Variants in MEF2A observed in about 807,000 individuals in gnomAD.
MEF2A encodes the protein myocyte-specific enhancer factor 2A.
A neutral mutation model predicts 55.8 loss-of-function variants in MEF2A; 28 were observed. The observed-to-expected ratio is 0.50, with a 90% CI of 0.37 to 0.69. MEF2A has a LOEUF of 0.69. MEF2A is among the 30% of genes least tolerant of loss of function. The pLI is 0.00. For synonymous variants in MEF2A, 239 were observed against 227.1 expected (o/e 1.05, Z -0.47); for missense variants, 528 against 626.2 (o/e 0.84, Z 1.67).
intron 2 of MEF2A, among the ~76,000 whole-genome samples, chr15:99,624,461 C>T (rs1309336947): frequency 2.6e-5 from 4 of 152,174 alleles, no homozygotes; most frequent in African/African-American, 9.6e-5. Flanking sequence ...ATGGTCTTAG[C>T]ATCCTTTTTG....
Position 99,645,687 on chromosome 15 carries a change from G to A in MEF2A, c.181G>A (p.Asp61Asn), listed in dbSNP as rs1193702038. 7 of 1,613,518 alleles carry A rather than the reference G, an allele frequency of 4.3e-6. No homozygotes were observed. The highest frequency in any genetic ancestry group is 1.3e-5 in the African/African-American group (1 of 75,016). ...SNKLFQYAST[D>N]MDKVLLKYTE... ...CAAACTGTTTCAATATGCTAGCACT[G>A]ATATGGACAAAGTTCTTCTCAAGTA... Residue 61 changes from aspartate to asparagine, a missense_variant, in exon 4 of 12, where the codon GAT becomes AAT. Physicochemically the swap from Asp to Asn is conservative, Grantham distance 23. Around this residue, in one of 2 missense-constraint regions of MEF2A, gnomAD observed 78 missense variants for 150.9 expected, o/e 0.52. Transcript: ENST00000557942.
At chr15:99,681,777 T>C (rs2053297833) in intron 7 of MEF2A, 1 of 152,202 alleles carries the variant, frequency 6.6e-6, no homozygotes, top group Non-Finnish European at 1.5e-5. Context: ...CTTTATTATT[T>C]TATTTTATTT....
chr15:99,694,348 C>T (rs1325064296), intron 8 of MEF2A, among the ~76,000 whole-genome samples: 1 of 152,168 alleles, frequency 6.6e-6, no homozygotes, highest in Admixed American at 6.5e-5. Context: ...TTTATTATCC[C>T]TTATCTGATA....
At chr15:99,629,452 TA>T (rs1413732455) in intron 2 of MEF2A, among the ~76,000 whole-genome samples, 1 of 152,206 alleles carries the variant, frequency 6.6e-6, no homozygotes, top group Non-Finnish European at 1.5e-5. Flanking sequence ...TCGTACAATC[TA>T]AACTAATCCC....
intron 4 of MEF2A, among the ~76,000 whole-genome samples, chr15:99,652,177 G>A (rs1183613391): frequency 6.6e-6 from 1 of 152,168 alleles, no homozygotes; most frequent in Admixed American, 6.5e-5. Flanking sequence ...AACCTTGTTG[G>A]CACCAGGGAT....
chr15:99,598,420 C>T lies in MEF2A; in HGVS notation c.-224-10C>T, dbSNP rs1971950483. ...ACAATAATGCATCTCAAATTTTTTT[C>T]TTTTTTAAGGAATTGCATTTTGTGA... On this transcript the variant is annotated splice_polypyrimidine_tract_variant and intron_variant, in intron 1 of 11. Coordinates refer to ENST00000557942, the MANE Select transcript of MEF2A (RefSeq NM_001319206.4). 6.6e-6 allele frequency: 1 copy of T among 151,854 alleles called. No individual in the cohort carries two copies. The highest frequency in any genetic ancestry group is 6.6e-5 in the Admixed American group (1 of 15,252). The allele number at this position is 151,854 out of a possible 1,614,324, so 9.4% of individuals were successfully genotyped here.
At chr15:99,613,440 T>A (rs1372281695) in intron 2 of MEF2A, among the ~76,000 whole-genome samples, 7 of 152,196 alleles carry the variant, frequency 4.6e-5, no homozygotes, top group Non-Finnish European at 1.0e-4. Context: ...CAATACACAC[T>A]TTAACAGTCC....
intron 3 of MEF2A, 40 bp from the exon 4 acceptor site, chr15:99,645,521 C>T (rs1567312094): frequency 1.4e-6 from 2 of 1,448,304 alleles, no homozygotes; most frequent in Non-Finnish European, 1.9e-6. Context: ...TCAAGTACTA[C>T]TAATGCTTTT....
chr15:99,690,370 G>C lies in MEF2A; in HGVS notation c.800G>C (p.Arg267Thr). ...GGTGGTAATCTTGGAATGAACAGTA[G>C]GAAACCAGATCTTCGAGTTGTCATC... Reference protein sequence around the residue: ...PGGGNLGMNSRKPDLRVVIPP... With the variant: ...PGGGNLGMNSTKPDLRVVIPP... The change falls in exon 8 of 12, where the codon AGG becomes ACG. Residue 267 changes from arginine to threonine, a missense_variant. This residue lies in a region of MEF2A where 450 missense variants were observed against 475.3 expected (regional missense o/e 0.95). Coordinates refer to ENST00000557942, the MANE Select transcript of MEF2A (RefSeq NM_001319206.4). 1 of 1,611,850 alleles carries C rather than the reference G, an allele frequency of 6.2e-7. No individual in the cohort carries two copies. Among genetic ancestry groups the C allele is most frequent in the Non-Finnish European group, 8.5e-7 (1 of 1,178,774 alleles).
chr15:99,703,133 G>A (rs2057611356), intron 8 of MEF2A, among the ~76,000 whole-genome samples: 2 of 152,176 alleles, frequency 1.3e-5, no homozygotes, highest in Non-Finnish European at 2.9e-5. Context: ...GGGTAGGAGG[G>A]TGTCTTTGAA....
intron 1 of MEF2A, among the ~76,000 whole-genome samples, chr15:99,598,036 T>A (rs1380559284): frequency 6.6e-6 from 1 of 152,216 alleles, no homozygotes; most frequent in Non-Finnish European, 1.5e-5. Flanking sequence ...GTGAACATTT[T>A]AAACTATTTA....
At chr15:99,588,062 G>C (rs1288282041) in intron 1 of MEF2A, among the ~76,000 whole-genome samples, 4 of 152,108 alleles carry the variant, frequency 2.6e-5, no homozygotes, top group African/African-American at 9.7e-5. Flanking sequence ...TAGGTTTTCT[G>C]TGGATGCTCT....
intron 1 of MEF2A, among the ~76,000 whole-genome samples, chr15:99,568,328 A>AT (rs554800298): frequency 3.6e-4 from 54 of 151,558 alleles, no homozygotes; most frequent in East Asian, 2.9e-3. Flanking sequence ...TGTGACAAGG[A>AT]TTTTTTTTTG....
chr15:99,622,363 C>G (rs906449418), intron 2 of MEF2A, among the ~76,000 whole-genome samples: 2 of 152,134 alleles, frequency 1.3e-5, no homozygotes, highest in African/African-American at 4.8e-5. Flanking sequence ...CATCTGTTTT[C>G]TAAAGGTAGA....
At chr15:99,592,299 T>TTATTTA (rs1457872450) in intron 1 of MEF2A, among the ~76,000 whole-genome samples, 1 of 152,156 alleles carries the variant, frequency 6.6e-6, no homozygotes, top group Non-Finnish European at 1.5e-5. Context: ...TTTTTTTTTA[T>TTATTTA]TATACTGCTT....
upstream of MEF2A, chr15:99,565,919 G>GCGC (rs1412148274): frequency 6.6e-6 from 1 of 152,254 alleles, no homozygotes; most frequent in Non-Finnish European, 1.5e-5. Context: ...TAGTGCGCAC[G>GCGC]CGCAGCACAG....
In MEF2A at chr15:99,713,737, AGTTTT is replaced by A. The variant is rs2058885694; in HGVS notation, c.*967_*971del. 1 of 152,124 alleles carries A rather than the reference AGTTTT, an allele frequency of 6.6e-6. No individual in the cohort carries two copies. The highest frequency in any genetic ancestry group is 6.6e-5 in the Admixed American group (1 of 15,262). 9.4% of individuals were successfully genotyped at this position (152,124 alleles called of 1,614,324 possible). On this transcript the variant is annotated 3_prime_UTR_variant, in exon 12 of 12. Coordinates refer to ENST00000557942, the MANE Select transcript of MEF2A (RefSeq NM_001319206.4). The stretch of plus-strand genomic sequence containing the variant: ...TAGCTTTATCTTGGTTTAACTCTTT[AGTTTT>A]ATTTTAAGAGGGGAAAACAAAAATA...
At chr15:99,665,929 A>G (rs2049587940) in intron 4 of MEF2A, among the ~76,000 whole-genome samples, 1 of 152,174 alleles carries the variant, frequency 6.6e-6, no homozygotes, top group African/African-American at 2.4e-5. Context: ...TTAAAAAGTC[A>G]GGAAACAACA....
chr15:99,691,248 A>T (rs923974170), intron 8 of MEF2A, among the ~76,000 whole-genome samples: 3 of 152,138 alleles, frequency 2.0e-5, no homozygotes, highest in African/African-American at 7.2e-5. Flanking sequence ...TGAGTTTTTA[A>T]AAAGTAAAAT....
Sources: gnomAD v4.1 joint callset for allele counts (sites outside exome capture counted in the v4.1 genomes callset) on GRCh38, gnomAD v4.1.1 for gene constraint, gnomAD v4.1.1 regional missense constraint, MANE v1.5 for transcripts, NCBI Gene and HGNC (gene_info 2026-07-23, HGNC 2026-07-21) for gene names.